TMEM117: variants seen among roughly 807,000 people sequenced by gnomAD.
TMEM117 encodes transmembrane protein 117.
In TMEM117, 27 loss-of-function variants were observed where a neutral mutation model predicts 52.4. That is an observed-to-expected ratio of 0.51 (90% CI 0.38 to 0.71). The LOEUF (loss-of-function observed/expected upper bound fraction) is 0.71. Among genes scored for constraint, TMEM117 ranks in the 30% least tolerant of loss-of-function variants. The pLI, the probability that TMEM117 is intolerant of heterozygous loss-of-function variation, is 0.00. For synonymous variants in TMEM117, 215 were observed against 206.3 expected (o/e 1.04, Z -0.36); for missense variants, 556 against 630.5 (o/e 0.88, Z 1.26).
chr12:43,798,524 T>A, the TMEM117 span: 12 of 1,485,774 alleles, frequency 8.1e-6, no homozygotes, highest in Admixed American at 2.8e-4. Flanking sequence ...ATAAATGATA[T>A]TGGTTAATGA....
intron 3 of TMEM117, among the ~76,000 whole-genome samples, chr12:44,027,729 C>G (rs1946564787): frequency 6.6e-6 from 1 of 152,076 alleles, no homozygotes; most frequent in Admixed American, 6.5e-5. Context: ...TATTCTAGGA[C>G]TTTAGAACTA....
chr12:43,867,729 G>T (rs1211603218), intron 2 of TMEM117, among the ~76,000 whole-genome samples: 1 of 151,956 alleles, frequency 6.6e-6, no homozygotes, highest in Admixed American at 6.6e-5. Context: ...AATAATGAAA[G>T]GGTCAATTCA....
At chr12:43,903,251 G>A (rs74316358) in intron 2 of TMEM117, among the ~76,000 whole-genome samples, 2,049 of 152,264 alleles carry the variant, frequency 0.013, 33 homozygotes, top group African/African-American at 0.048. Flanking sequence ...TTTCTAGTGT[G>A]CTGGATGGGA....
chr12:43,815,816 G>A, the TMEM117 span, among the ~76,000 whole-genome samples: 1 of 152,178 alleles, frequency 6.6e-6, no homozygotes, highest in Non-Finnish European at 1.5e-5. Context: ...GAACACCGAT[G>A]ACAATGATAA....
intron 2 of TMEM117, among the ~76,000 whole-genome samples, chr12:43,864,800 C>A (rs530843880): frequency 1.3e-5 from 2 of 152,252 alleles, no homozygotes; most frequent in East Asian, 3.9e-4. Context: ...AGCAGGGGGT[C>A]CACACTGTGG....
intron 6 of TMEM117, among the ~76,000 whole-genome samples, chr12:44,364,211 A>G (rs1951760575): frequency 6.6e-6 from 1 of 152,168 alleles, no homozygotes; most frequent in African/African-American, 2.4e-5. Context: ...TTTAGTTTTT[A>G]CGATTGCTTC....
intron 7 of TMEM117, among the ~76,000 whole-genome samples, chr12:44,387,409 T>C (rs1002683367): frequency 6.6e-6 from 1 of 152,032 alleles, no homozygotes; most frequent in African/African-American, 2.4e-5. Flanking sequence ...TCATAAGGTA[T>C]GGTTACATTT....
chr12:44,302,169 C>T (rs1044181549), intron 6 of TMEM117, among the ~76,000 whole-genome samples: 3 of 152,198 alleles, frequency 2.0e-5, no homozygotes, highest in Admixed American at 1.3e-4. Flanking sequence ...CATCCACGTA[C>T]CATATGCCCT....
At chr12:43,884,292 T>C (rs1286161974) in intron 2 of TMEM117, among the ~76,000 whole-genome samples, 2 of 152,052 alleles carry the variant, frequency 1.3e-5, no homozygotes, top group Admixed American at 6.5e-5. Flanking sequence ...TGAGTTGATA[T>C]GTGGTAATAT....
intron 3 of TMEM117, among the ~76,000 whole-genome samples, chr12:43,957,698 C>T (rs1289015525): frequency 6.6e-6 from 1 of 152,156 alleles, no homozygotes; most frequent in East Asian, 1.9e-4. Context: ...AAGGATTTTT[C>T]AGTTTTGGGT....
chr12:44,307,799 G>T (rs534739439), intron 6 of TMEM117, among the ~76,000 whole-genome samples: 2 of 152,352 alleles, frequency 1.3e-5, no homozygotes, highest in African/African-American at 4.8e-5. Context: ...TCTGCATGAA[G>T]TGCCAAGGAG....
rs535627197 is a variant in TMEM117, at chr12:44,107,351, T to G, written c.411-36174T>G. ...TAACACATTCTCTTTTAAGAAACAT[T>G]TATTTGTGACCAGCATCAAAAGAGA... On this transcript the variant is annotated intron_variant, in intron 3 of 7. Coordinates refer to ENST00000266534, the MANE Select transcript of TMEM117 (RefSeq NM_032256.3). 2.0e-5 allele frequency among the ~76,000 whole-genome samples: 3 copies of G among 152,222 alleles called. No homozygotes were observed. In the East Asian group the frequency reaches 5.8e-4, roughly 29 times the overall value.
intron 6 of TMEM117, among the ~76,000 whole-genome samples, chr12:44,302,315 C>A (rs57265732): frequency 0.016 from 2,421 of 152,302 alleles, 78 homozygotes; most frequent in African/African-American, 0.054. Flanking sequence ...CCTCCATGGT[C>A]TGGCCCTGAC....
intron 3 of TMEM117, among the ~76,000 whole-genome samples, chr12:44,098,057 G>T (rs1031523654): frequency 6.6e-6 from 1 of 151,828 alleles, no homozygotes; most frequent in Admixed American, 6.6e-5. Flanking sequence ...ATGGCCCCAG[G>T]GTCAGTAGGG....
At chr12:44,375,926 G>T (rs886238596) in intron 6 of TMEM117, among the ~76,000 whole-genome samples, 29 of 152,160 alleles carry the variant, frequency 1.9e-4, no homozygotes, top group Middle Eastern at 3.2e-3. Context: ...GAGAAGGAGG[G>T]TTGGCCCACC....
chr12:43,896,150 A>G lies in TMEM117; in HGVS notation c.278-48060A>G, dbSNP rs117132054. 1.2e-3 allele frequency among the ~76,000 whole-genome samples: 189 copies of G among 152,308 alleles called. 1 individual carries two copies. In the East Asian group the frequency reaches 0.023, roughly 19 times the overall value. On this transcript the variant is annotated intron_variant, in intron 2 of 7. Transcript: ENST00000266534. ...AAGTTGACACATAGTATTGACCATC[A>G]CAATATTTAATAATAAAATACTAAC...
chr12:44,254,790 T>C (rs1442973291), intron 5 of TMEM117, among the ~76,000 whole-genome samples: 1 of 152,102 alleles, frequency 6.6e-6, no homozygotes, highest in African/African-American at 2.4e-5. Context: ...GTATATCTCC[T>C]AAAGCTATCC....
chr12:44,191,725 G>C (rs1949357570), intron 4 of TMEM117, among the ~76,000 whole-genome samples: 1 of 152,126 alleles, frequency 6.6e-6, no homozygotes, highest in South Asian at 2.1e-4. Context: ...AGGGCTCACT[G>C]TTCCAAGGAT....
intron 3 of TMEM117, among the ~76,000 whole-genome samples, chr12:44,107,964 A>G (rs1036421930): frequency 6.6e-6 from 1 of 152,172 alleles, no homozygotes; most frequent in African/African-American, 2.4e-5. Flanking sequence ...CCTGGCTTCT[A>G]CAGACCAAAT....
Sources: gnomAD v4.1 joint callset for allele counts (sites outside exome capture counted in the v4.1 genomes callset) on GRCh38, gnomAD v4.1.1 for gene constraint, MANE v1.5 for transcripts, NCBI Gene and HGNC (gene_info 2026-07-23, HGNC 2026-07-21) for gene names.